The following RORA variants were observed in gnomAD, a reference collection of about 807,000 sequenced individuals.
The protein encoded by RORA is nuclear receptor ROR-alpha.
In RORA, 7 loss-of-function variants were observed where a neutral mutation model predicts 69.5. That is an observed-to-expected ratio of 0.10 (90% CI 0.06 to 0.19). The LOEUF (loss-of-function observed/expected upper bound fraction) is 0.19, where lower values mean the gene tolerates loss of function less well. Among genes scored for constraint, RORA ranks in the 10% least tolerant of loss-of-function variants. The probability of loss-of-function intolerance (pLI) is 1.00; values close to 1 mark genes in which losing one functional copy is unlikely to be tolerated. For missense variants in RORA, 457 were observed against 663.0 expected, an observed-to-expected ratio of 0.69 and a Z score of 3.41; for synonymous variants, 261 against 240.8, an observed-to-expected ratio of 1.08 and a Z score of -0.78.
chr15:61,059,319 GA>G (rs1003580452), intron 1 of RORA, among the ~76,000 whole-genome samples: 9 of 152,228 alleles, frequency 5.9e-5, no homozygotes, highest in Admixed American at 4.6e-4. Context: ...AGAAACATAA[GA>G]TGTAGGCCAA....
At chr15:60,822,821 C>G (rs1402875172) in intron 1 of RORA, among the ~76,000 whole-genome samples, 3 of 152,186 alleles carry the variant, frequency 2.0e-5, no homozygotes, top group Admixed American at 2.0e-4. Flanking sequence ...TTTAAAGGCA[C>G]CACCCCCTGG....
In RORA at chr15:61,147,088, C is replaced by A. The variant is rs984221249; in HGVS notation, c.166+81965G>T. Among the ~76,000 whole-genome samples the A allele has an allele frequency of 1.3e-5, 2 of 152,116 alleles. No individual in the cohort carries two copies. The highest frequency in any genetic ancestry group is 1.5e-5 in the Non-Finnish European group (1 of 68,020). On this transcript the variant is annotated intron_variant, in intron 1 of 10. Transcript: ENST00000335670. The surrounding 1 kb of genome is among the most constrained non-coding windows in gnomAD (Gnocchi z 4.1). The stretch of plus-strand genomic sequence containing the variant: ...CTCTGAGTGCTTGGAGAGCACCAAG[C>A]GGGCCAGACATCACAATAGGTTAGA...
At chr15:60,932,037 T>A (rs1174808399) in intron 1 of RORA, among the ~76,000 whole-genome samples, 1 of 152,050 alleles carries the variant, frequency 6.6e-6, no homozygotes, top group African/African-American at 2.4e-5. Flanking sequence ...TCAAGAGTTT[T>A]TTTTTTTAAA....
At chr15:61,022,036 G>A (rs957314619) in intron 1 of RORA, among the ~76,000 whole-genome samples, 19 of 152,184 alleles carry the variant, frequency 1.2e-4, no homozygotes, top group African/African-American at 4.3e-4. Flanking sequence ...CTGACAGGAT[G>A]TACTTACACA....
At chr15:60,901,203 C>T (rs558859281) in intron 1 of RORA, among the ~76,000 whole-genome samples, 13 of 152,098 alleles carry the variant, frequency 8.5e-5, no homozygotes, top group Non-Finnish European at 1.3e-4. Context: ...TGGAATCTCA[C>T]TCTTGTCGCC....
intron 1 of RORA, chr15:61,176,289 A>C (rs1316487425): frequency 6.6e-6 from 1 of 152,162 alleles, no homozygotes; most frequent in Non-Finnish European, 1.5e-5. Flanking sequence ...CTGTCATTTA[A>C]GTAACAAACT....
intron 10 of RORA, among the ~76,000 whole-genome samples, chr15:60,498,841 T>A: frequency 1.4e-5 from 2 of 145,526 alleles, no homozygotes; most frequent in African/African-American, 2.6e-5. Context: ...CTTTCTGGTC[T>A]AACATAGCTA....
chr15:60,776,025 A>T (rs1437737486), intron 1 of RORA, among the ~76,000 whole-genome samples: 2 of 152,158 alleles, frequency 1.3e-5, no homozygotes, highest in Non-Finnish European at 1.5e-5. Flanking sequence ...AACTAGTTCA[A>T]CCTCCAATTC....
intron 2 of RORA, among the ~76,000 whole-genome samples, chr15:60,566,769 G>C (rs2067724084): frequency 6.6e-6 from 1 of 152,146 alleles, no homozygotes. Flanking sequence ...TGGGAGTGAA[G>C]AAAAGCCAAG....
chr15:61,194,420 C>T (rs1251245299), intron 1 of RORA, among the ~76,000 whole-genome samples: 2 of 151,444 alleles, frequency 1.3e-5, no homozygotes, highest in African/African-American at 2.4e-5. Flanking sequence ...ATTAGCCGGG[C>T]GTAGTGGTGG....
intron 2 of RORA, among the ~76,000 whole-genome samples, chr15:60,635,218 A>G (rs1298422204): frequency 6.6e-6 from 1 of 152,082 alleles, no homozygotes; most frequent in Non-Finnish European, 1.5e-5. Context: ...CTTCCCATAT[A>G]TTTCTCTTCC....
chr15:60,525,614 C>T (rs180810191), intron 3 of RORA, among the ~76,000 whole-genome samples: 2 of 152,320 alleles, frequency 1.3e-5, no homozygotes, highest in Admixed American at 1.3e-4. Flanking sequence ...TTTTGACAAC[C>T]AAGATTTATT....
In RORA at chr15:61,137,097, A is replaced by AAGAAAGAGAGAG. The variant is rs1555414105; in HGVS notation, c.166+91955_166+91956insCTCTCTCTTTCT. Among the ~76,000 whole-genome samples, 86 of 150,016 alleles carry AAGAAAGAGAGAG rather than the reference A, an allele frequency of 5.7e-4. 1 individual carries two copies. Among genetic ancestry groups the AAGAAAGAGAGAG allele is most frequent in the African/African-American group, 2.0e-3 (81 of 39,924 alleles). On this transcript the variant is annotated intron_variant, in intron 1 of 10. Transcript: ENST00000335670. ...AAAGAAAGAAAGAAAGAAAGAAAGA[A>AAGAAAGAGAGAG]AGAAAAAAGCAAGGGTGTCCAGGGT...
intron 1 of RORA, among the ~76,000 whole-genome samples, chr15:60,976,637 A>T (rs1893879820): frequency 6.6e-6 from 1 of 152,166 alleles, no homozygotes. Flanking sequence ...GTCAATCCCA[A>T]AGTCCTTAGA....
intron 2 of RORA, among the ~76,000 whole-genome samples, chr15:60,651,898 C>G (rs2070147771): frequency 6.6e-6 from 1 of 152,192 alleles, no homozygotes; most frequent in South Asian, 2.1e-4. Flanking sequence ...GGCCGTTAAG[C>G]ATGTCACCAG....
At chr15:60,698,201 T>G (rs1168337400) in intron 1 of RORA, among the ~76,000 whole-genome samples, 1 of 152,150 alleles carries the variant, frequency 6.6e-6, no homozygotes, top group Non-Finnish European at 1.5e-5. Flanking sequence ...GTAGCTATAG[T>G]CAAGTTTCAA....
chr15:60,542,142 T>C (rs1047555520), intron 2 of RORA, among the ~76,000 whole-genome samples: 1 of 152,234 alleles, frequency 6.6e-6, no homozygotes, highest in African/African-American at 2.4e-5. Context: ...GGTACTTCAG[T>C]ACGGCAAGGT....
intron 1 of RORA, among the ~76,000 whole-genome samples, chr15:61,126,879 G>C (rs1035526316): frequency 6.6e-6 from 1 of 152,130 alleles, no homozygotes; most frequent in East Asian, 1.9e-4. Context: ...AAGCAACTTA[G>C]GTTGTTAAGT....
intron 1 of RORA, among the ~76,000 whole-genome samples, chr15:60,747,502 A>G (rs1426762425): frequency 6.6e-6 from 1 of 152,206 alleles, no homozygotes; most frequent in Non-Finnish European, 1.5e-5. Flanking sequence ...GAATACATAC[A>G]AATATTTTTA....
Sources: gnomAD v4.1 joint callset for allele counts (sites outside exome capture counted in the v4.1 genomes callset) on GRCh38, gnomAD v4.1.1 for gene constraint, Gnocchi (gnomAD v3.1) non-coding constraint, MANE v1.5 for transcripts, NCBI Gene and HGNC (gene_info 2026-07-23, HGNC 2026-07-21) for gene names.